Variants in SLC35F3 observed in about 807,000 individuals in gnomAD.
SLC35F3 encodes the protein putative thiamine transporter SLC35F3.
SLC35F3 carries 25 observed loss-of-function variants against 49.9 expected under a neutral mutation model. The ratio of observed to expected loss-of-function variants is 0.50; its 90% CI spans 0.37 to 0.70. SLC35F3 has a LOEUF of 0.70. SLC35F3 is among the 30% of genes least tolerant of loss of function. The pLI, the probability that SLC35F3 is intolerant of heterozygous loss-of-function variation, is 0.00. For synonymous variants in SLC35F3, 275 were observed against 265.4 expected (o/e 1.04, Z -0.35); for missense variants, 525 against 639.8 (o/e 0.82, Z 1.94).
rs746951795 is a variant in SLC35F3, at chr1:234,027,890, A to C, written c.283+122132A>C. On this transcript the variant is annotated intron_variant, in intron 2 of 7. Coordinates refer to ENST00000366618, the MANE Select transcript of SLC35F3 (RefSeq NM_173508.4). This position sits in a 1 kb window ranked among gnomAD's most constrained non-coding sequence, Gnocchi z 4.1. The stretch of plus-strand genomic sequence containing the variant: ...AATAAGCCCGTGTAAAAGCGAGGTA[A>C]TTTCAGCTGGTGATAGCAACCATGT... Among the ~76,000 whole-genome samples, 5 of 152,146 alleles carry C rather than the reference A, an allele frequency of 3.3e-5. No individual in the cohort carries two copies. Among genetic ancestry groups the C allele is most frequent in the Non-Finnish European group, 5.9e-5 (4 of 68,016 alleles).
chr1:233,991,224 A>G (rs1663349698), intron 2 of SLC35F3, among the ~76,000 whole-genome samples: 2 of 152,184 alleles, frequency 1.3e-5, no homozygotes, highest in Admixed American at 1.3e-4. Flanking sequence ...GAAGACAGAA[A>G]GGGAAAGTGG....
chr1:234,178,808 A>G (rs1439464334), intron 2 of SLC35F3, among the ~76,000 whole-genome samples: 2 of 152,172 alleles, frequency 1.3e-5, no homozygotes, highest in African/African-American at 4.8e-5. Flanking sequence ...AGTTTACATT[A>G]TGGTTCAGTC....
At chr1:234,202,267 A>ATAGAAATAAAATAAAATAAAACCTTTTT (rs1329785469) in intron 2 of SLC35F3, among the ~76,000 whole-genome samples, 3 of 152,124 alleles carry the variant, frequency 2.0e-5, no homozygotes, top group Non-Finnish European at 4.4e-5. Context: ...GGGGTGGGAA[A>ATAGAAATAAAATAAAATAAAACCTTTTT]TAGAAATAAA....
At chr1:234,289,366 C>T (rs1052252895) in intron 3 of SLC35F3, among the ~76,000 whole-genome samples, 8 of 152,158 alleles carry the variant, frequency 5.3e-5, no homozygotes, top group East Asian at 1.9e-4. Context: ...AAATGAAGAA[C>T]CAAACTTCCC....
At chr1:234,112,877 T>C (rs577584606) in intron 2 of SLC35F3, among the ~76,000 whole-genome samples, 1 of 151,532 alleles carries the variant, frequency 6.6e-6, no homozygotes, top group East Asian at 2.0e-4. Context: ...GCCCGGCCTA[T>C]AATTCACATT....
intron 2 of SLC35F3, among the ~76,000 whole-genome samples, chr1:233,971,052 G>A (rs1558193244): frequency 6.6e-6 from 1 of 152,206 alleles, no homozygotes; most frequent in Non-Finnish European, 1.5e-5. Context: ...CTGACACAGA[G>A]GCAGAGTGTT....
chr1:234,304,090 CCTTCCTTCT>C (rs1389053456), intron 3 of SLC35F3, among the ~76,000 whole-genome samples: 3 of 149,372 alleles, frequency 2.0e-5, no homozygotes, highest in Non-Finnish European at 4.4e-5. Context: ...TTCCTTCCTT[CCTTCCTTCT>C]TCCTCTCTCC....
At chr1:234,184,503 C>T (rs1666605314) in intron 2 of SLC35F3, among the ~76,000 whole-genome samples, 1 of 152,186 alleles carries the variant, frequency 6.6e-6, no homozygotes, top group South Asian at 2.1e-4. Context: ...AGGAAATTTT[C>T]GAGGCTATGA....
At chr1:234,080,802 T>C (rs1664863815) in intron 2 of SLC35F3, among the ~76,000 whole-genome samples, 1 of 152,224 alleles carries the variant, frequency 6.6e-6, no homozygotes, top group Admixed American at 6.5e-5. Context: ...AAGATTTCTT[T>C]CTGCGTCAAT....
At chr1:234,195,326 C>A (rs1666791266) in intron 2 of SLC35F3, among the ~76,000 whole-genome samples, 1 of 152,170 alleles carries the variant, frequency 6.6e-6, no homozygotes, top group Non-Finnish European at 1.5e-5. Context: ...TCATCTCTCG[C>A]CTCACTTCCA....
intron 2 of SLC35F3, among the ~76,000 whole-genome samples, chr1:234,208,425 A>G (rs954093995): frequency 6.6e-6 from 1 of 152,174 alleles, no homozygotes; most frequent in African/African-American, 2.4e-5. Context: ...GAAGAGTAAC[A>G]AACCTCCAGA....
At chr1:234,102,021 T>C (rs1456393069) in intron 2 of SLC35F3, among the ~76,000 whole-genome samples, 5 of 152,226 alleles carry the variant, frequency 3.3e-5, no homozygotes, top group Admixed American at 2.0e-4. Flanking sequence ...CAGGTACCAC[T>C]GCAGGAGCAC....
chr1:234,284,508 C>T (rs1668379880), intron 3 of SLC35F3, among the ~76,000 whole-genome samples: 1 of 152,212 alleles, frequency 6.6e-6, no homozygotes, highest in Admixed American at 6.5e-5. Flanking sequence ...ATTCATGCAT[C>T]TGGCAGATGC....
intron 2 of SLC35F3, among the ~76,000 whole-genome samples, chr1:233,955,943 A>G (rs1330392707): frequency 7.9e-6 from 1 of 127,300 alleles, no homozygotes; most frequent in Non-Finnish European, 1.5e-5. Flanking sequence ...GCTGGAGTGC[A>G]GTGGCGTGAT....
intron 2 of SLC35F3, among the ~76,000 whole-genome samples, chr1:234,005,889 G>A (rs370757125): frequency 6.6e-6 from 1 of 152,114 alleles, no homozygotes; most frequent in Non-Finnish European, 1.5e-5. Context: ...ACTGGATCAC[G>A]CATCCTGACT....
chr1:234,181,578 C>T (rs1666558419), intron 2 of SLC35F3, among the ~76,000 whole-genome samples: 1 of 152,064 alleles, frequency 6.6e-6, no homozygotes, highest in African/African-American at 2.4e-5. Context: ...TAGGTGCCTC[C>T]TCCATTTTTT....
rs370275659 is a variant in SLC35F3 at position 233,917,122 on chromosome 1, G to A, written c.283+11364G>A. ...TTACAAGACATATACATCTCGATCC[G>A]TCAGTTGGATTGGATTGGCTCCATG... On this transcript the variant is annotated intron_variant, in intron 2 of 7. Coordinates refer to ENST00000366618, the MANE Select transcript of SLC35F3 (RefSeq NM_173508.4). Among the ~76,000 whole-genome samples the A allele has an allele frequency of 4.5e-4, 68 of 152,192 alleles. 1 individual carries two copies. Among genetic ancestry groups the A allele is most frequent in the Admixed American group, 1.3e-3 (20 of 15,286 alleles).
chr1:234,038,769 A>G (rs1664180172), intron 2 of SLC35F3, among the ~76,000 whole-genome samples: 1 of 152,200 alleles, frequency 6.6e-6, no homozygotes, highest in Admixed American at 6.5e-5. Context: ...TCTGGAGTCC[A>G]TTTTGAGGTT....
chr1:233,931,103 G>T (rs1297269226), intron 2 of SLC35F3, among the ~76,000 whole-genome samples: 1 of 152,126 alleles, frequency 6.6e-6, no homozygotes, highest in Admixed American at 6.6e-5. Flanking sequence ...ACTAAAACTG[G>T]ACCCCTTTCT....
Sources: allele counts gnomAD v4.1 joint callset (sites outside exome capture counted in the v4.1 genomes callset), GRCh38; gene constraint gnomAD v4.1.1; non-coding constraint Gnocchi (gnomAD v3.1); transcripts MANE v1.5; gene names NCBI Gene and HGNC (gene_info 2026-07-23, HGNC 2026-07-21).